Variants in VTA1 observed in about 807,000 individuals in gnomAD.
The protein encoded by VTA1 is vacuolar protein sorting-associated protein VTA1 homolog.
A neutral mutation model predicts 36.9 loss-of-function variants in VTA1; 24 were observed. The observed-to-expected ratio is 0.65, with a 90% CI of 0.47 to 0.91. The LOEUF (loss-of-function observed/expected upper bound fraction) is 0.91. Among genes scored for constraint, VTA1 ranks in the 40% least tolerant of loss-of-function variants. VTA1 has a pLI of 0.00. For missense variants in VTA1, 393 were observed against 377.2 expected, an observed-to-expected ratio of 1.04 and a Z score of -0.35; for synonymous variants, 142 against 130.2, an observed-to-expected ratio of 1.09 and a Z score of -0.62.
chr6:142,189,196 A>G (rs532461600), intron 4 of VTA1, among the ~76,000 whole-genome samples: 13 of 152,296 alleles, frequency 8.5e-5, no homozygotes, highest in Admixed American at 6.5e-4. Flanking sequence ...ATGTTATATG[A>G]TAAAAGAGAA....
intron 1 of VTA1, among the ~76,000 whole-genome samples, chr6:142,162,769 C>T (rs778546230): frequency 6.6e-6 from 1 of 151,996 alleles, no homozygotes; most frequent in East Asian, 1.9e-4. Context: ...TAAAATGTAA[C>T]ATCAAAGCTA....
chr6:142,202,336 A>G (rs1775704491), intron 6 of VTA1, among the ~76,000 whole-genome samples: 1 of 152,066 alleles, frequency 6.6e-6, no homozygotes, highest in African/African-American at 2.4e-5. Context: ...ATACTTTTAT[A>G]CAGTTTTCTA....
chr6:142,212,851 C>T (rs1582906809), intron 7 of VTA1, among the ~76,000 whole-genome samples: 1 of 152,240 alleles, frequency 6.6e-6, no homozygotes, highest in Non-Finnish European at 1.5e-5. Context: ...ACAAGGGGCA[C>T]ATCAGCCCCC....
At chr6:142,168,416 T>G (rs1562258482) in intron 2 of VTA1, among the ~76,000 whole-genome samples, 1 of 152,138 alleles carries the variant, frequency 6.6e-6, no homozygotes, top group Non-Finnish European at 1.5e-5. Context: ...CTGGGGCTTC[T>G]TTTAATTTAA....
Sources: gnomAD v4.1 joint callset for allele counts (sites outside exome capture counted in the v4.1 genomes callset) on GRCh38, gnomAD v4.1.1 for gene constraint, MANE v1.5 for transcripts, NCBI Gene and HGNC (gene_info 2026-07-23, HGNC 2026-07-21) for gene names.